FAM174B: variants seen among roughly 807,000 people sequenced by gnomAD.
The protein encoded by FAM174B is family with sequence similarity 174 member B.
FAM174B carries 12 observed loss-of-function variants against 10.9 expected under a neutral mutation model. The ratio of observed to expected loss-of-function variants is 1.10; its 90% confidence interval spans 0.71 to 1.79. The LOEUF is 1.79. Among genes scored for constraint, FAM174B ranks in the 40% most tolerant of loss-of-function variants. The pLI is 0.00. For missense variants in FAM174B, 266 were observed against 233.3 expected, an observed-to-expected ratio of 1.14 and a Z score of -0.91; for synonymous variants, 132 against 115.8, an observed-to-expected ratio of 1.14 and a Z score of -0.90.
chr15:92,640,579 A>C (rs2050884561), intron 1 of FAM174B, among the ~76,000 whole-genome samples: 1 of 133,758 alleles, frequency 7.5e-6, no homozygotes, highest in African/African-American at 2.7e-5. Flanking sequence ...AAAAAAAAAA[A>C]AAAAGTCAAA....
At chr15:92,642,110 A>T (rs2050895690) in intron 1 of FAM174B, among the ~76,000 whole-genome samples, 1 of 152,208 alleles carries the variant, frequency 6.6e-6, no homozygotes, top group Non-Finnish European at 1.5e-5. Context: ...TAAACACACA[A>T]CGAGATACCA....
rs948103290 is a variant in FAM174B, at chr15:92,618,733, C to T, written c.*723G>A. 1.1e-4 allele frequency: 14 copies of T among 131,812 alleles called. No homozygotes were observed. Among genetic ancestry groups the T allele is most frequent in the South Asian group, 4.5e-4 (2 of 4,414 alleles). The allele number at this position is 131,812 out of a possible 1,614,324, so 8.2% of individuals were successfully genotyped here. A position where few individuals can be genotyped will look rare whatever the true frequency, so the allele number is the denominator to read the frequency against. On this transcript the variant is annotated 3_prime_UTR_variant, in exon 3 of 3. Coordinates refer to ENST00000327355, the MANE Select transcript of FAM174B (RefSeq NM_207446.3). ...TTTATAGGTATCACACACGTGCACA[C>T]GCACACACGTGCACACACACACACA...
Position 92,636,192 on chromosome 15 carries a change from T to C in FAM174B, c.345-5847A>G, listed in dbSNP as rs554306468. ...GGCTGGGCACAGTGGCTCACGCCTG[T>C]AGTCCCAGCTACTTGGGAGGCTGAG... is the stretch of plus-strand genomic sequence containing the variant. On this transcript the variant is annotated intron_variant, in intron 1 of 2. Transcript: ENST00000327355. Among the ~76,000 whole-genome samples, 181 of 152,274 alleles carry C rather than the reference T, an allele frequency of 1.2e-3. 1 individual carries two copies. The highest frequency in any genetic ancestry group is 4.2e-3 in the African/African-American group (173 of 41,552).
chr15:92,634,294 A>C (rs1056305365), intron 1 of FAM174B: 1 of 152,226 alleles, frequency 6.6e-6, no homozygotes, highest in Non-Finnish European at 1.5e-5. Context: ...GCAAAATTGG[A>C]TTAGCAAACC....
At chr15:92,647,472 C>A (rs2050936205) in intron 1 of FAM174B, among the ~76,000 whole-genome samples, 1 of 152,182 alleles carries the variant, frequency 6.6e-6, no homozygotes, top group Admixed American at 6.5e-5. Context: ...TTGAAGAGAC[C>A]TGGCCAAGAG....
intron 1 of FAM174B, among the ~76,000 whole-genome samples, chr15:92,635,136 CCTCT>C (rs201561565): frequency 7.2e-6 from 1 of 138,674 alleles, no homozygotes; most frequent in African/African-American, 2.7e-5. Context: ...CTCTCTCTCT[CCTCT>C]CTTTCGCTCA....
In FAM174B at chr15:92,631,342, TATATATA is replaced by T. The variant is rs2050809923; in HGVS notation, c.345-1004_345-998del. On this transcript the variant is annotated intron_variant, in intron 1 of 2. Transcript: ENST00000327355. ...ATATTATATATAATATATTATATATTATATATAATATATTATATATTATATTATATAT... is the reference window on the plus strand; with the variant it reads ...ATATTATATATAATATATTATATATTATATATTATATATTATATTATATAT... 6.7e-4 allele frequency among the ~76,000 whole-genome samples: 10 copies of T among 15,032 alleles called. 3 individuals carry two copies. Among genetic ancestry groups the T allele is most frequent in the African/African-American group, 8.4e-4 (2 of 2,394 alleles). The allele number at this position is 15,032 out of a possible 152,430, so 9.9% of individuals were successfully genotyped here. A position where few individuals can be genotyped will look rare whatever the true frequency, so the allele number is the denominator to read the frequency against.
chr15:92,631,503 T>C lies in FAM174B; in HGVS notation c.345-1158A>G, dbSNP rs971328202. Among the ~76,000 whole-genome samples, 4 of 110,796 alleles carry C rather than the reference T, an allele frequency of 3.6e-5. No homozygotes were observed. The Admixed American group carries it at 4.3e-4, about 12-fold the overall frequency. 72.7% of individuals were successfully genotyped at this position (110,796 alleles called of 152,430 possible). On this transcript the variant is annotated intron_variant, in intron 1 of 2. Transcript: ENST00000327355. The stretch of plus-strand genomic sequence containing the variant: ...TATATTATATATATATATAATTCTT[T>C]TTTTTTTTTAAGATGGAGTCTCGCT...
At chr15:92,653,864 G>A (rs1476520972) in intron 1 of FAM174B, among the ~76,000 whole-genome samples, 3 of 152,258 alleles carry the variant, frequency 2.0e-5, no homozygotes, top group African/African-American at 7.2e-5. Context: ...TTGCAGACGG[G>A]GGCCAGCTTG....
At chr15:92,624,559 A>G (rs985836625) in intron 2 of FAM174B, among the ~76,000 whole-genome samples, 12 of 152,242 alleles carry the variant, frequency 7.9e-5, no homozygotes, top group Admixed American at 5.9e-4. Context: ...CAGAGGCCTC[A>G]TGCTGCAAAC....
intron 1 of FAM174B, among the ~76,000 whole-genome samples, chr15:92,651,603 T>C (rs1406223052): frequency 1.3e-5 from 2 of 152,256 alleles, no homozygotes; most frequent in Non-Finnish European, 2.9e-5. Flanking sequence ...ATTATCTCAA[T>C]GTCATCATTT....
intron 2 of FAM174B, among the ~76,000 whole-genome samples, chr15:92,623,808 G>A (rs1486949709): frequency 6.6e-6 from 1 of 152,212 alleles, no homozygotes; most frequent in Non-Finnish European, 1.5e-5. Flanking sequence ...CCACCACCAC[G>A]TGACAGGGAA....
In FAM174B at chr15:92,648,005, A is replaced by G. The variant is rs115441598; in HGVS notation, c.344+7311T>C. Among the ~76,000 whole-genome samples the G allele has an allele frequency of 5.0e-3, 756 of 152,334 alleles. 8 individuals are homozygous for G. The highest frequency in any genetic ancestry group is 0.018 in the African/African-American group (735 of 41,556). ...TCCTTTCTATTGACTTCAAGTCTTC[A>G]GACAAAGCTTAACTCTTTCAAGCAA... On this transcript the variant is annotated intron_variant, in intron 1 of 2. Transcript: ENST00000327355.
At chr15:92,633,660 G>A (rs1319451129) in intron 1 of FAM174B, among the ~76,000 whole-genome samples, 2 of 152,166 alleles carry the variant, frequency 1.3e-5, no homozygotes, top group Non-Finnish European at 2.9e-5. Flanking sequence ...GTGATAAGAG[G>A]ATAAACCAAA....
intron 1 of FAM174B, among the ~76,000 whole-genome samples, chr15:92,649,020 T>C (rs2050947259): frequency 1.3e-5 from 2 of 151,918 alleles, no homozygotes; most frequent in Admixed American, 1.3e-4. Context: ...AATCCAGGAG[T>C]GTTTCCCTCT....
rs1361573984 is a variant in FAM174B, at chr15:92,655,333, C to T, written c.327G>A (p.Leu109=). The change falls in exon 1 of 3, where the codon CTG becomes CTA. Residue 109 remains leucine (L), a synonymous_variant. Transcript: ENST00000327355. The part of the protein sequence containing the change: ...FAFTTLLIAC[L]LLRVFRSGKR... ...GGGCCCACCTGAAGACGCGCAGCAG[C>T]AGGCAGGCGATGAGGAGGGTGGTAA... 2 of 1,568,180 alleles carry T rather than the reference C, an allele frequency of 1.3e-6. No individual in the cohort carries two copies. The highest frequency in any genetic ancestry group is 1.7e-6 in the Non-Finnish European group (2 of 1,156,858).
chr15:92,636,924 T>C (rs1340095580), intron 1 of FAM174B, among the ~76,000 whole-genome samples: 1 of 152,234 alleles, frequency 6.6e-6, no homozygotes, highest in Non-Finnish European at 1.5e-5. Context: ...CATTTTCATA[T>C]TCCACACTAA....
chr15:92,625,316 G>A (rs756377916), intron 2 of FAM174B, among the ~76,000 whole-genome samples: 2 of 152,154 alleles, frequency 1.3e-5, no homozygotes, highest in Admixed American at 6.5e-5. Flanking sequence ...AGTTACCTGG[G>A]AAATAAGAAG....
At chr15:92,636,708 G>A (rs994891941) in intron 1 of FAM174B, among the ~76,000 whole-genome samples, 2 of 152,192 alleles carry the variant, frequency 1.3e-5, no homozygotes, top group African/African-American at 2.4e-5. Context: ...TGACCCCTGA[G>A]AGGGCCAGGG....
Sources: gnomAD v4.1 joint callset for allele counts (sites outside exome capture counted in the v4.1 genomes callset) on GRCh38, gnomAD v4.1.1 for gene constraint, MANE v1.5 for transcripts, NCBI Gene and HGNC (gene_info 2026-07-23, HGNC 2026-07-21) for gene names.